RSF1: variants seen among roughly 807,000 people sequenced by gnomAD.
RSF1 encodes the protein HBV pX-associated protein 8.
A neutral mutation model predicts 145.2 loss-of-function variants in RSF1; 13 were observed. The ratio of observed to expected loss-of-function variants is 0.09; its 90% confidence interval spans 0.06 to 0.14. RSF1 has a LOEUF of 0.14. Ranked by LOEUF, RSF1 falls within the 10% of genes least tolerant of loss-of-function variation. RSF1 has a pLI of 1.00. For missense variants in RSF1, 1,517 were observed against 1,718.2 expected (o/e 0.88, Z 2.07); for synonymous variants, 577 against 592.6 (o/e 0.97, Z 0.38).
At chr11:77,862,152 T>C in the RSF1 span, among the ~76,000 whole-genome samples, 1 of 152,210 alleles carries the variant, frequency 6.6e-6, no homozygotes, top group East Asian at 1.9e-4. Context: ...GTTCTGATTC[T>C]GTGTCCCAGT....
At chr11:77,794,856 G>A (rs1424606520) in intron 1 of RSF1, among the ~76,000 whole-genome samples, 2 of 152,110 alleles carry the variant, frequency 1.3e-5, no homozygotes, top group Non-Finnish European at 2.9e-5. Context: ...CCTAGCTAAA[G>A]CAGTAAGGCA....
chr11:77,700,477 T>C (rs1018125827), intron 6 of RSF1, among the ~76,000 whole-genome samples: 6 of 151,694 alleles, frequency 4.0e-5, no homozygotes, highest in African/African-American at 1.5e-4. Flanking sequence ...TTCTACAGGT[T>C]GGATATTATT....
chr11:77,715,179 G>C (rs891396625), intron 5 of RSF1, among the ~76,000 whole-genome samples: 3 of 151,902 alleles, frequency 2.0e-5, no homozygotes, highest in African/African-American at 7.3e-5. Context: ...AATTATTTAA[G>C]TTCTTTAAAA....
the RSF1 span, among the ~76,000 whole-genome samples, chr11:77,835,243 C>A: frequency 1.3e-5 from 2 of 152,116 alleles, no homozygotes; most frequent in Non-Finnish European, 2.9e-5. Flanking sequence ...CCCTTTGCCC[C>A]GTCCCACTTT....
chr11:77,797,810 T>C (rs1948587607), intron 1 of RSF1, among the ~76,000 whole-genome samples: 1 of 150,082 alleles, frequency 6.7e-6, no homozygotes, highest in Non-Finnish European at 1.5e-5. Context: ...TTAAACAAAT[T>C]TACAAGAAAA....
intron 1 of RSF1, among the ~76,000 whole-genome samples, chr11:77,791,115 T>C (rs1948512936): frequency 6.6e-6 from 1 of 152,240 alleles, no homozygotes; most frequent in African/African-American, 2.4e-5. Flanking sequence ...ACCCTGCCCC[T>C]GCAGCAAACT....
chr11:77,748,604 A>G (rs1201170371), intron 2 of RSF1, among the ~76,000 whole-genome samples: 1 of 152,182 alleles, frequency 6.6e-6, no homozygotes, highest in African/African-American at 2.4e-5. Flanking sequence ...AAGTGATTAT[A>G]TCAAAAGCTA....
rs911994493 is a variant in RSF1 at position 77,663,999 on chromosome 11, A to T, written c.*2918T>A. The T allele has an allele frequency of 1.3e-5, 2 of 152,230 alleles. No homozygotes were observed. The highest frequency in any genetic ancestry group is 4.8e-5 in the African/African-American group (2 of 41,468). The allele number at this position is 152,230 out of a possible 1,614,324, so 9.4% of individuals were successfully genotyped here. ...ATCCATGGTTAGTGCTCTAAAAAAGATCCAAGACTGTCTAAACTCTACATC... is the reference window on the plus strand; with the variant it reads ...ATCCATGGTTAGTGCTCTAAAAAAGTTCCAAGACTGTCTAAACTCTACATC... On this transcript the variant is annotated 3_prime_UTR_variant, in exon 16 of 16. Transcript: ENST00000308488.
intron 7 of RSF1, among the ~76,000 whole-genome samples, chr11:77,696,906 A>C (rs1960290743): frequency 6.6e-6 from 1 of 152,202 alleles, no homozygotes; most frequent in South Asian, 2.1e-4. Context: ...GGTTATGATA[A>C]ATTTCACTGA....
Position 77,788,217 on chromosome 11 carries a change from G to A in RSF1, c.188-23528C>T, listed in dbSNP as rs118006302. Reference sequence around the variant, plus strand: ...AAAAAAGTAAAATATTACCGGGCATGCAAAGGAAGCAGAAAAATTCAACCC... The same window carrying A: ...AAAAAAGTAAAATATTACCGGGCATACAAAGGAAGCAGAAAAATTCAACCC... On this transcript the variant is annotated intron_variant, in intron 1 of 15. Coordinates refer to ENST00000308488, the MANE Select transcript of RSF1 (RefSeq NM_016578.4). Among the ~76,000 whole-genome samples the A allele has an allele frequency of 2.0e-3, 249 of 122,568 alleles. 8 individuals carry two copies. In the East Asian group the frequency reaches 0.054, roughly 27 times the overall value. 80.4% of individuals were successfully genotyped at this position (122,568 alleles called of 152,430 possible). A position where few individuals can be genotyped will look rare whatever the true frequency, so the allele number is the denominator to read the frequency against.
Position 77,701,938 on chromosome 11 carries a change from T to C in RSF1, c.1291A>G (p.Ile431Val). Residue 431 changes from isoleucine to valine, a missense_variant, in exon 6 of 16, where the codon ATC (isoleucine) becomes GTC (valine). Physicochemically the swap from Ile to Val is conservative, Grantham distance 29. This residue lies in a region of RSF1 where 579 missense variants were observed against 553.5 expected (regional missense o/e 1.05). Coordinates refer to ENST00000308488, the MANE Select transcript of RSF1 (RefSeq NM_016578.4). ...EEETCKRISTITALGHEGKQL... is the reference protein window; with the variant it reads ...EEETCKRISTVTALGHEGKQL... ...TTCCCTTCATGACCCAAAGCAGTGATTGTAGAGATCCTTTTACAAGTCTCT... is the reference window on the plus strand; with the variant it reads ...TTCCCTTCATGACCCAAAGCAGTGACTGTAGAGATCCTTTTACAAGTCTCT... 8 of 1,613,662 alleles carry C rather than the reference T, an allele frequency of 5.0e-6. No homozygotes were observed. The highest frequency in any genetic ancestry group is 2.2e-5 in the South Asian group (2 of 90,936).
At chr11:77,811,144 T>C (rs2135987611) in intron 1 of RSF1, among the ~76,000 whole-genome samples, 1 of 152,340 alleles carries the variant, frequency 6.6e-6, no homozygotes, top group East Asian at 1.9e-4. Context: ...GACAACAGAA[T>C]GTAAACAAAT....
chr11:77,820,523 C>T lies in RSF1; in HGVS notation c.187+5G>A, dbSNP rs905427703. On this transcript the variant is annotated splice_donor_5th_base_variant and intron_variant, in intron 1 of 15. Coordinates refer to ENST00000308488, the MANE Select transcript of RSF1 (RefSeq NM_016578.4). ...TCCCGCCGGGCGTTCGGGCCCCTCG[C>T]TTACCTTCTCCGTTGCCGACGTCCG... 4 of 1,547,642 alleles carry T rather than the reference C, an allele frequency of 2.6e-6. No individual in the cohort carries two copies. The highest frequency in any genetic ancestry group is 1.2e-5 in the South Asian group (1 of 83,932).
the RSF1 span, chr11:77,851,376 C>G: frequency 6.6e-6 from 1 of 152,210 alleles, no homozygotes; most frequent in Non-Finnish European, 1.5e-5. Flanking sequence ...TTCTTCTGCT[C>G]AAGACAGTTC....
chr11:77,862,205 G>A, the RSF1 span, among the ~76,000 whole-genome samples: 6 of 152,248 alleles, frequency 3.9e-5, no homozygotes, highest in African/African-American at 1.2e-4. Context: ...GTGGGGAATC[G>A]TTCTCATTCC....
At chr11:77,694,611 C>T (rs1960237972) in intron 7 of RSF1, among the ~76,000 whole-genome samples, 1 of 152,168 alleles carries the variant, frequency 6.6e-6, no homozygotes, top group East Asian at 1.9e-4. Context: ...TTATATCCTT[C>T]ACCCAATTTT....
Position 77,747,069 on chromosome 11 carries a change from T to G in RSF1, c.339A>C (p.Glu113Asp), listed in dbSNP as rs1434194630. ...AWEMEKKGYLEMSVECKLALL... is the reference protein window; with the variant it reads ...AWEMEKKGYLDMSVECKLALL... ...GTGCTAGTTTGCATTCAACACTCAT[T>G]TCAAGATAGCCCTTCTTCTCCATCT... The change falls in exon 3 of 16, where the codon GAA (glutamate) becomes GAC (aspartate). Residue 113 changes from glutamate to aspartate, a missense_variant. By Grantham distance (45) the Glu-to-Asp change is conservative. Around this residue, in one of 12 missense-constraint regions of RSF1, gnomAD observed 94 missense variants for 143.6 expected, o/e 0.65. Transcript: ENST00000308488. The G allele has an allele frequency of 1.2e-6, 2 of 1,610,258 alleles. No individual in the cohort carries two copies. The highest frequency in any genetic ancestry group is 2.7e-5 in the African/African-American group (2 of 74,842).
intron 12 of RSF1, among the ~76,000 whole-genome samples, 157 bp downstream of exon 12, chr11:77,677,929 C>A (rs1959753345): frequency 6.6e-6 from 1 of 152,110 alleles, no homozygotes; most frequent in African/African-American, 2.4e-5. Context: ...GACATTGTAT[C>A]CACAAATTAC....
intron 5 of RSF1, among the ~76,000 whole-genome samples, chr11:77,711,790 T>C: frequency 6.6e-6 from 1 of 152,152 alleles, no homozygotes; most frequent in East Asian, 1.9e-4. Context: ...GGTAAAATAC[T>C]ATTAAACAGA....
Sources: allele counts gnomAD v4.1 joint callset (sites outside exome capture counted in the v4.1 genomes callset), GRCh38; gene constraint gnomAD v4.1.1; regional missense constraint gnomAD v4.1.1; transcripts MANE v1.5; gene names NCBI Gene and HGNC (gene_info 2026-07-23, HGNC 2026-07-21).